GAB2: variants seen among roughly 807,000 people sequenced by gnomAD.
GAB2 encodes GRB2-associated-binding protein 2.
In GAB2, 26 loss-of-function variants were observed where a neutral mutation model predicts 65.5. The observed-to-expected ratio is 0.40, with a 90% confidence interval of 0.29 to 0.55. The LOEUF (loss-of-function observed/expected upper bound fraction) is 0.55, where lower values mean the gene tolerates loss of function less well. Among genes scored for constraint, GAB2 ranks in the 20% least tolerant of loss-of-function variants. GAB2 has a pLI of 0.53. For missense variants in GAB2, 884 were observed against 875.8 expected (o/e 1.01, Z -0.12); for synonymous variants, 321 against 329.6 (o/e 0.97, Z 0.28).
chr11:78,305,981 T>C (rs1282751373), intron 1 of GAB2, among the ~76,000 whole-genome samples: 1 of 152,224 alleles, frequency 6.6e-6, no homozygotes, highest in Non-Finnish European at 1.5e-5. Context: ...AAATATTTTT[T>C]ACACTGTAGC....
At chr11:78,401,116 A>T (rs1300496836) in intron 1 of GAB2, among the ~76,000 whole-genome samples, 6 of 133,058 alleles carry the variant, frequency 4.5e-5, no homozygotes, top group African/African-American at 1.7e-4. Context: ...GTGAGGTTTA[A>T]AAAAAAAAAA....
At position 78,249,324 on chromosome 11, in the gene GAB2, T is replaced by C. The variant is rs764557783; in HGVS notation, c.620+833A>G. 5.1e-4 allele frequency among the ~76,000 whole-genome samples: 77 copies of C among 152,256 alleles called. 1 individual carries two copies. The highest frequency in any genetic ancestry group is 1.9e-4 in the Non-Finnish European group (13 of 68,040). On this transcript the variant is annotated intron_variant, in intron 3 of 9. Coordinates refer to ENST00000361507, the MANE Select transcript of GAB2 (RefSeq NM_080491.3). Reference sequence around the variant, plus strand: ...AAGTAATACATTAGTACAGCCATTTTTCTATTTGCCTTAATTGTCATAACA... The same window carrying C: ...AAGTAATACATTAGTACAGCCATTTCTCTATTTGCCTTAATTGTCATAACA...
intron 1 of GAB2, among the ~76,000 whole-genome samples, chr11:78,307,930 G>A (rs1008942148): frequency 1.3e-5 from 2 of 152,136 alleles, no homozygotes; most frequent in African/African-American, 4.8e-5. Flanking sequence ...ACTGAGTAAG[G>A]AAGATCCATT....
intron 3 of GAB2, among the ~76,000 whole-genome samples, chr11:78,247,645 G>A (rs1323683771): frequency 6.6e-6 from 1 of 152,104 alleles, no homozygotes; most frequent in Non-Finnish European, 1.5e-5. Context: ...TCTTTCAAGA[G>A]TCAGATCTCT....
chr11:78,217,514 GT>G lies in GAB2; in HGVS notation c.*1757del, dbSNP rs1017976768. 1.3e-5 allele frequency: 2 copies of G among 152,308 alleles called. No individual in the cohort carries two copies. Among genetic ancestry groups the G allele is most frequent in the Non-Finnish European group, 2.9e-5 (2 of 68,142 alleles). 9.4% of individuals were successfully genotyped at this position (152,308 alleles called of 1,614,324 possible). On this transcript the variant is annotated 3_prime_UTR_variant, in exon 10 of 10. Transcript: ENST00000361507. ...ATGGGGGCAGAGGACAGTGGTAGCTGTCCCCATCAAACATGGCAGGAAGTCA... is the reference window on the plus strand; with the variant it reads ...ATGGGGGCAGAGGACAGTGGTAGCTGCCCCATCAAACATGGCAGGAAGTCA...
At chr11:78,386,224 A>G (rs1415361040) in intron 1 of GAB2, among the ~76,000 whole-genome samples, 1 of 152,210 alleles carries the variant, frequency 6.6e-6, no homozygotes, top group Non-Finnish European at 1.5e-5. Context: ...TTATAACAGA[A>G]AGAGGATTCA....
At chr11:78,378,628 T>C (rs551293400) in intron 1 of GAB2, among the ~76,000 whole-genome samples, 1 of 152,250 alleles carries the variant, frequency 6.6e-6, no homozygotes, top group Admixed American at 6.5e-5. Context: ...AGGATCAGAG[T>C]ACAGGATTCA....
intron 1 of GAB2, among the ~76,000 whole-genome samples, chr11:78,319,681 T>A (rs1855684072): frequency 1.3e-5 from 2 of 152,214 alleles, no homozygotes; most frequent in Non-Finnish European, 2.9e-5. Flanking sequence ...GAGAGCCACA[T>A]TTGAGGCCTT....
Position 78,417,708 on chromosome 11 carries a change from C to T in GAB2, c.13G>A (p.Gly5Ser). 1 of 1,342,864 alleles carries T rather than the reference C, an allele frequency of 7.4e-7. No homozygotes were observed. Among genetic ancestry groups the T allele is most frequent in the Non-Finnish European group, 9.8e-7 (1 of 1,021,332 alleles). 83.2% of individuals were successfully genotyped at this position (1,342,864 alleles called of 1,614,324 possible). MSGG[G>S]DVVCTGWLRK... ...AGCCAGCCGGTGCACACCACGTCGC[C>T]GCCGCCGCTCATGCTGCCGGCCTGG... Residue 5 changes from glycine (G) to serine (S), a missense_variant, in exon 1 of 10, where the codon GGC becomes AGC. Gly to Ser is a moderately conservative substitution (Grantham distance 56, BLOSUM62 0). Transcript: ENST00000361507.
At chr11:78,241,416 A>G (rs150732994) in intron 3 of GAB2, among the ~76,000 whole-genome samples, 2 of 152,348 alleles carry the variant, frequency 1.3e-5, no homozygotes, top group East Asian at 1.9e-4. Context: ...GGAAGGAAAT[A>G]TAACACCAAA....
intron 1 of GAB2, among the ~76,000 whole-genome samples, chr11:78,296,884 G>A (rs1356191003): frequency 6.6e-6 from 1 of 152,216 alleles, no homozygotes; most frequent in African/African-American, 2.4e-5. Flanking sequence ...CCTGGTGAGG[G>A]CCCTGTTTCT....
chr11:78,293,518 C>T (rs185596412), intron 1 of GAB2, among the ~76,000 whole-genome samples: 1 of 152,248 alleles, frequency 6.6e-6, no homozygotes, highest in East Asian at 1.9e-4. Context: ...GGTACACAGA[C>T]ACCATAAACA....
At chr11:78,282,444 G>T (rs139126821) in intron 1 of GAB2, among the ~76,000 whole-genome samples, 1,706 of 152,040 alleles carry the variant, frequency 0.011, 26 homozygotes, top group African/African-American at 0.04. Context: ...GAGTAGCTGG[G>T]ATTACAGATG....
chr11:78,251,374 C>T (rs1298337453), intron 2 of GAB2, among the ~76,000 whole-genome samples: 1 of 152,166 alleles, frequency 6.6e-6, no homozygotes, highest in Non-Finnish European at 1.5e-5. Flanking sequence ...GGTCATTTTC[C>T]CTCTTATCTC....
At chr11:78,315,566 C>T (rs1279263541) in intron 1 of GAB2, among the ~76,000 whole-genome samples, 1 of 152,146 alleles carries the variant, frequency 6.6e-6, no homozygotes, top group African/African-American at 2.4e-5. Context: ...ATAAACCTCT[C>T]AGAAGAAAAC....
chr11:78,328,534 G>A (rs1026379755), intron 1 of GAB2, among the ~76,000 whole-genome samples: 4 of 152,142 alleles, frequency 2.6e-5, no homozygotes, highest in Non-Finnish European at 5.9e-5. Context: ...GCATCCATCC[G>A]AAGGAGAATG....
At chr11:78,256,505 T>C (rs935288787) in intron 2 of GAB2, among the ~76,000 whole-genome samples, 9 of 152,232 alleles carry the variant, frequency 5.9e-5, no homozygotes, top group African/African-American at 2.2e-4. Context: ...GGAGTGAGAA[T>C]AGATCTAAGT....
At chr11:78,368,675 T>TA (rs1177213068) in intron 1 of GAB2, among the ~76,000 whole-genome samples, 3 of 151,454 alleles carry the variant, frequency 2.0e-5, no homozygotes, top group African/African-American at 7.3e-5. Flanking sequence ...CATATGTTTG[T>TA]AACAGAACTA....
At chr11:78,406,927 G>C (rs965425574) in intron 1 of GAB2, among the ~76,000 whole-genome samples, 2 of 151,574 alleles carry the variant, frequency 1.3e-5, no homozygotes, top group African/African-American at 4.9e-5. Flanking sequence ...TGGAATTTTA[G>C]AACTGAAAAA....
Sources: gnomAD v4.1 joint callset for allele counts (sites outside exome capture counted in the v4.1 genomes callset) on GRCh38, gnomAD v4.1.1 for gene constraint, MANE v1.5 for transcripts, NCBI Gene and HGNC (gene_info 2026-07-23, HGNC 2026-07-21) for gene names.